SLC35F1: variants seen among roughly 807,000 people sequenced by gnomAD.
SLC35F1 encodes chromosome 6 open reading frame 169.
In SLC35F1, 14 loss-of-function variants were observed where a neutral mutation model predicts 48.7. The ratio of observed to expected loss-of-function variants is 0.29; its 90% CI spans 0.19 to 0.45. The LOEUF is 0.45. SLC35F1 is among the 20% of genes least tolerant of loss of function. The pLI is 1.00. For synonymous variants in SLC35F1, 190 were observed against 202.2 expected (o/e 0.94, Z 0.51); for missense variants, 404 against 500.0 (o/e 0.81, Z 1.83).
At chr6:118,008,318 G>A (rs12206792) in intron 1 of SLC35F1, among the ~76,000 whole-genome samples, 30,836 of 152,016 alleles carry the variant, frequency 0.2, 3,428 homozygotes, top group East Asian at 0.3. Flanking sequence ...TGTATTTATA[G>A]GCTCCACCTG....
chr6:118,189,729 G>C (rs79389411), intron 2 of SLC35F1, among the ~76,000 whole-genome samples: 3,230 of 152,198 alleles, frequency 0.021, 49 homozygotes, highest in Middle Eastern at 0.078. Context: ...TTCACAAATC[G>C]GGCAGCCCCC....
At chr6:118,288,226 C>T (rs1001804479) in intron 7 of SLC35F1, among the ~76,000 whole-genome samples, 1 of 152,098 alleles carries the variant, frequency 6.6e-6, no homozygotes, top group African/African-American at 2.4e-5. Flanking sequence ...CCCCTGTGAG[C>T]CCAAGTATCT....
chr6:118,207,340 G>A (rs1774948197), intron 2 of SLC35F1, among the ~76,000 whole-genome samples: 2 of 152,336 alleles, frequency 1.3e-5, no homozygotes, highest in South Asian at 4.1e-4. Context: ...TGATTGTTTA[G>A]TTGATTGACC....
At chr6:118,287,069 T>C (rs1038869352) in intron 7 of SLC35F1, among the ~76,000 whole-genome samples, 1 of 152,152 alleles carries the variant, frequency 6.6e-6, no homozygotes, top group Non-Finnish European at 1.5e-5. Context: ...TTGTTTGCAG[T>C]TTGTTTCGTC....
chr6:118,092,659 T>C (rs1262234564), intron 1 of SLC35F1, among the ~76,000 whole-genome samples: 1 of 152,056 alleles, frequency 6.6e-6, no homozygotes, highest in Non-Finnish European at 1.5e-5. Flanking sequence ...GCCACAGAGG[T>C]GGAGCTTCCC....
chr6:118,067,979 G>A (rs975015800), intron 1 of SLC35F1, among the ~76,000 whole-genome samples: 10 of 152,054 alleles, frequency 6.6e-5, no homozygotes, highest in South Asian at 2.1e-4. Flanking sequence ...ATTATCTAAC[G>A]GTTATGGAGG....
chr6:117,998,907 G>A, intron 1 of SLC35F1: 1 of 729,542 alleles, frequency 1.4e-6, no homozygotes, highest in Non-Finnish European at 2.5e-6. Context: ...CTAGCAGAAG[G>A]CAAGAAATAC....
intron 1 of SLC35F1, among the ~76,000 whole-genome samples, chr6:117,940,257 A>G (rs1013103936): frequency 8.5e-5 from 13 of 152,170 alleles, no homozygotes; most frequent in African/African-American, 3.1e-4. Flanking sequence ...CGAGTCTTCT[A>G]TTCACTGTTG....
At position 118,284,930 on chromosome 6, in the gene SLC35F1, T is replaced by C. The variant is rs901825826; in HGVS notation, c.848-254T>C. 9.2e-5 allele frequency among the ~76,000 whole-genome samples: 14 copies of C among 151,800 alleles called. 1 individual carries two copies. Among genetic ancestry groups the C allele is most frequent in the African/African-American group, 3.4e-4 (14 of 41,054 alleles). On this transcript the variant is annotated intron_variant, in intron 6 of 7. Transcript: ENST00000360388. ...TCTGACTATCGCCACTAAGAGGCAC[T>C]CCTTCCCAGAAGAAGCAAAATGTCA...
At chr6:118,195,444 A>G (rs1774787882) in intron 2 of SLC35F1, among the ~76,000 whole-genome samples, 1 of 152,080 alleles carries the variant, frequency 6.6e-6, no homozygotes, top group Non-Finnish European at 1.5e-5. Flanking sequence ...GCAATTCAGG[A>G]TCCCATTTTT....
At chr6:118,229,276 A>G (rs1347880754) in intron 2 of SLC35F1, among the ~76,000 whole-genome samples, 1 of 152,156 alleles carries the variant, frequency 6.6e-6, no homozygotes, top group Admixed American at 6.5e-5. Flanking sequence ...TTCACATTTC[A>G]CAGGAAAAAT....
intron 2 of SLC35F1, among the ~76,000 whole-genome samples, chr6:118,155,081 GA>G (rs1774119295): frequency 6.6e-6 from 1 of 151,574 alleles, no homozygotes; most frequent in Non-Finnish European, 1.5e-5. Context: ...CACAGAAAAA[GA>G]AAAAAATAAA....
At chr6:118,025,359 T>G (rs1218807470) in intron 1 of SLC35F1, among the ~76,000 whole-genome samples, 1 of 152,222 alleles carries the variant, frequency 6.6e-6, no homozygotes, top group Admixed American at 6.5e-5. Flanking sequence ...GGAGGAAAAG[T>G]ACCCTTTTTG....
intron 1 of SLC35F1, among the ~76,000 whole-genome samples, chr6:118,080,241 T>G (rs1430175889): frequency 6.6e-6 from 1 of 152,212 alleles, no homozygotes; most frequent in African/African-American, 2.4e-5. Context: ...GCATTAGCAA[T>G]ATCACTTATT....
intron 1 of SLC35F1, among the ~76,000 whole-genome samples, chr6:118,105,512 C>T (rs1042341455): frequency 3.3e-5 from 5 of 152,190 alleles, no homozygotes; most frequent in Non-Finnish European, 5.9e-5. Flanking sequence ...CCACTCACAC[C>T]GTGGTCATTC....
intron 1 of SLC35F1, among the ~76,000 whole-genome samples, chr6:118,149,119 T>G (rs1774018073): frequency 6.6e-6 from 1 of 152,088 alleles, no homozygotes; most frequent in Non-Finnish European, 1.5e-5. Flanking sequence ...TTCAGGAGCT[T>G]ATGAGCTACA....
At chr6:118,126,003 A>C (rs1025491955) in intron 1 of SLC35F1, among the ~76,000 whole-genome samples, 2 of 152,196 alleles carry the variant, frequency 1.3e-5, no homozygotes, top group African/African-American at 4.8e-5. Context: ...GGAAATGCTA[A>C]CTGAGTTGGA....
intron 1 of SLC35F1, among the ~76,000 whole-genome samples, chr6:117,998,328 A>G (rs1426942701): frequency 6.6e-6 from 1 of 150,490 alleles, no homozygotes; most frequent in Non-Finnish European, 1.5e-5. Context: ...TAATAATGGG[A>G]GACTTTAACA....
intron 2 of SLC35F1, among the ~76,000 whole-genome samples, chr6:118,222,491 T>C (rs1431765604): frequency 1.3e-5 from 2 of 152,126 alleles, no homozygotes; most frequent in Non-Finnish European, 2.9e-5. Flanking sequence ...AGGCCTATTT[T>C]CACTAATTTA....
Sources: gnomAD v4.1 joint callset for allele counts (sites outside exome capture counted in the v4.1 genomes callset) on GRCh38, gnomAD v4.1.1 for gene constraint, MANE v1.5 for transcripts, NCBI Gene and HGNC (gene_info 2026-07-23, HGNC 2026-07-21) for gene names.